The following ZNF461 variants were observed in gnomAD, a reference collection of about 807,000 sequenced individuals.
ZNF461 encodes the protein zinc finger protein 461, also known as gonadotropin-inducible ovarian transcription factor-1.
ZNF461 carries 16 observed loss-of-function variants against 18.3 expected under a neutral mutation model. The ratio of observed to expected loss-of-function variants is 0.88; its 90% CI spans 0.59 to 1.33. ZNF461 has a LOEUF of 1.33. ZNF461 is among the 40% of genes most tolerant of loss of function. The pLI is 0.00. For synonymous variants in ZNF461, 179 were observed against 216.9 expected (o/e 0.83, Z 1.54); for missense variants, 595 against 669.9 (o/e 0.89, Z 1.23).
intron 2 of ZNF461, among the ~76,000 whole-genome samples, chr19:36,661,148 C>T (rs974569227): frequency 1.3e-5 from 2 of 151,902 alleles, no homozygotes; most frequent in African/African-American, 4.8e-5. Context: ...GGTGGTGGCA[C>T]ACAACTGTAG....
In ZNF461 at chr19:36,638,611, C is replaced by T; in HGVS notation, c.*42G>A. The T allele has an allele frequency of 6.9e-7, 1 of 1,440,344 alleles. No homozygotes were observed. Among genetic ancestry groups the T allele is most frequent in the Non-Finnish European group, 9.2e-7 (1 of 1,083,490 alleles). 89.2% of individuals were successfully genotyped at this position (1,440,344 alleles called of 1,614,324 possible). ...AAACTGGTGGCTTACCAACTTTTTC[C>T]TTAAATAAAACAAAGACAATGTATA... On this transcript the variant is annotated 3_prime_UTR_variant, in exon 6 of 6. Transcript: ENST00000588268.
At chr19:36,661,684 A>G (rs914923928) in intron 2 of ZNF461, among the ~76,000 whole-genome samples, 6 of 145,536 alleles carry the variant, frequency 4.1e-5, no homozygotes, top group African/African-American at 1.7e-4. Flanking sequence ...AATCTGAGAG[A>G]ATGTGTCACC....
chr19:36,642,104 C>A (rs1313567083), intron 5 of ZNF461, among the ~76,000 whole-genome samples: 1 of 152,060 alleles, frequency 6.6e-6, no homozygotes, highest in Non-Finnish European at 1.5e-5. Flanking sequence ...ATTTTTAAAT[C>A]ATTTTTTGTA....
Position 36,664,682 on chromosome 19 carries a change from G to T in ZNF461, c.9+16C>A, listed in dbSNP as rs2037874591. 1 of 1,514,264 alleles carries T rather than the reference G, an allele frequency of 6.6e-7. No individual in the cohort carries two copies. Among genetic ancestry groups the T allele is most frequent in the Non-Finnish European group, 8.8e-7 (1 of 1,138,192 alleles). The allele number at this position is 1,514,264 out of a possible 1,614,324, so 93.8% of individuals were successfully genotyped here. ...AATCAAGTATTGTAATTAGGAGCAA[G>T]AAAAAACCAACTTACATGGGCCATG... On this transcript the variant is annotated intron_variant, in intron 2 of 5. Transcript: ENST00000588268.
chr19:36,659,498 C>T (rs1489760742), intron 2 of ZNF461, among the ~76,000 whole-genome samples: 1 of 152,132 alleles, frequency 6.6e-6, no homozygotes, highest in Non-Finnish European at 1.5e-5. Flanking sequence ...GTCTTGAGCT[C>T]CTGGGCTCAA....
At chr19:36,656,799 A>AC (rs1371541739) in intron 3 of ZNF461, among the ~76,000 whole-genome samples, 2 of 152,048 alleles carry the variant, frequency 1.3e-5, no homozygotes, top group Non-Finnish European at 2.9e-5. Flanking sequence ...AGGAAAAAAA[A>AC]GAAGCTTCTT....
In ZNF461 at chr19:36,639,058, GGTTA is replaced by G. The variant is rs2037358377; in HGVS notation, c.1283_1286del (p.Leu428ProfsTer44). 1 of 1,611,284 alleles carries G rather than the reference GGTTA, an allele frequency of 6.2e-7. No homozygotes were observed. Among genetic ancestry groups the G allele is most frequent in the Non-Finnish European group, 8.5e-7 (1 of 1,179,428 alleles). On this transcript the variant is annotated frameshift_variant, in exon 6 of 6. Transcript: ENST00000588268. LOFTEE classifies it low-confidence loss of function (END_TRUNC). ...CACCAGTATGAATCCTCTGATGTAG[GGTTA>G]GTTGTAAGCCATCACAAAAAGCCTT... is the stretch of plus-strand genomic sequence containing the variant.
intron 5 of ZNF461, chr19:36,643,378 A>G (rs2145371000): frequency 6.6e-6 from 1 of 152,628 alleles, no homozygotes; most frequent in East Asian, 1.9e-4. Flanking sequence ...TTTTTTCTCC[A>G]GCATCTTCTG....
intron 4 of ZNF461, among the ~76,000 whole-genome samples, chr19:36,648,857 A>G (rs1051023293): frequency 6.6e-6 from 1 of 152,216 alleles, no homozygotes; most frequent in Non-Finnish European, 1.5e-5. Flanking sequence ...CTGGGATTAC[A>G]GTCATGAGCC....
At chr19:36,658,875 C>T (rs2037770649) in intron 2 of ZNF461, among the ~76,000 whole-genome samples, 1 of 152,100 alleles carries the variant, frequency 6.6e-6, no homozygotes, top group South Asian at 2.1e-4. Flanking sequence ...CTATATTTTC[C>T]ATAGATGGAC....
At chr19:36,642,244 T>C (rs1031458393) in intron 5 of ZNF461, among the ~76,000 whole-genome samples, 1 of 152,176 alleles carries the variant, frequency 6.6e-6, no homozygotes, top group African/African-American at 2.4e-5. Flanking sequence ...TTTATCATTA[T>C]TGTCTTTCAG....
chr19:36,639,999 C>A lies in ZNF461; in HGVS notation c.346G>T (p.Asp116Tyr). The A allele has an allele frequency of 6.2e-7, 1 of 1,613,108 alleles. No homozygotes were observed. The highest frequency in any genetic ancestry group is 2.2e-5 in the East Asian group (1 of 44,856). Residue 116 changes from aspartate to tyrosine, a missense_variant, in exon 6 of 6, where the codon GAT (aspartate) becomes TAT (tyrosine). Transcript: ENST00000588268. Reference sequence around the variant, plus strand: ...TGGGATAATTCTGTTTCATAAATATCCCTTTTTGGAGATAACTTCTGGGGC... The same window carrying A: ...TGGGATAATTCTGTTTCATAAATATACCTTTTTGGAGATAACTTCTGGGGC... The part of the protein sequence containing the change: ...DEPQKLSPKR[D>Y]IYETELSQWV...
chr19:36,656,448 C>G lies in ZNF461; in HGVS notation c.232G>C (p.Gly78Arg). The stretch of plus-strand genomic sequence containing the variant: ...GAGCTTCCTGTGCTTGCTCACTCAC[C>G]TGGGCACCATCTTCCTGTCTCTTCC... ...VREETGRWCPGTWKTWGFHNN... is the reference protein window; with the variant it reads ...VREETGRWCPRTWKTWGFHNN... The change falls in exon 4 of 6, where the codon GGT (glycine) becomes CGT (arginine). Residue 78 changes from glycine (G) to arginine (R), a missense_variant and splice_region_variant. Physicochemically the swap from Gly to Arg is moderately radical, Grantham distance 125. Transcript: ENST00000588268. 1 of 1,613,774 alleles carries G rather than the reference C, an allele frequency of 6.2e-7. No homozygotes were observed. The highest frequency in any genetic ancestry group is 8.5e-7 in the Non-Finnish European group (1 of 1,179,632).
rs1264699573 is a variant in ZNF461, at chr19:36,639,696, C to A, written c.649G>T (p.Glu217Ter). 1.9e-6 allele frequency: 3 copies of A among 1,613,690 alleles called. No individual in the cohort carries two copies. The highest frequency in any genetic ancestry group is 2.5e-6 in the Non-Finnish European group (3 of 1,179,754). ...FSHHKRTHSK[E>*]LSECKECTEI... ...GTGCATTCTTTACATTCAGAAAGTT[C>A]TTTAGAATGAGTTCTTTTGTGGTGA... Residue 217 changes from glutamate (E) to a stop codon, truncating the protein, a stop_gained, in exon 6 of 6, where the codon GAA becomes TAA. Transcript: ENST00000588268. LOFTEE classifies it low-confidence loss of function (END_TRUNC).
Position 36,640,000 on chromosome 19 carries a change from C to G in ZNF461, c.345G>C (p.Arg115Ser), listed in dbSNP as rs1284295978. ...GGGATAATTCTGTTTCATAAATATC[C>G]CTTTTTGGAGATAACTTCTGGGGCT... ...RDEPQKLSPK[R>S]DIYETELSQW... Residue 115 changes from arginine to serine, a missense_variant, in exon 6 of 6, where the codon AGG becomes AGC. Coordinates refer to ENST00000588268, the MANE Select transcript of ZNF461 (RefSeq NM_153257.5). The G allele has an allele frequency of 2.5e-6, 4 of 1,612,974 alleles. No homozygotes were observed. The highest frequency in any genetic ancestry group is 2.2e-5 in the East Asian group (1 of 44,858).
At chr19:36,654,716 C>A (rs989809188) in intron 4 of ZNF461, among the ~76,000 whole-genome samples, 1 of 152,096 alleles carries the variant, frequency 6.6e-6, no homozygotes, top group Non-Finnish European at 1.5e-5. Flanking sequence ...GAACTCTAGC[C>A]TGTAGAATGG....
At chr19:36,654,729 C>A (rs2037686827) in intron 4 of ZNF461, among the ~76,000 whole-genome samples, 1 of 152,100 alleles carries the variant, frequency 6.6e-6, no homozygotes, top group Non-Finnish European at 1.5e-5. Context: ...TAGAATGGAT[C>A]TGCCCTTGGT....
At chr19:36,660,717 A>G (rs569904231) in intron 2 of ZNF461, among the ~76,000 whole-genome samples, 3 of 152,094 alleles carry the variant, frequency 2.0e-5, no homozygotes, top group East Asian at 1.9e-4. Flanking sequence ...AAAAAAGACA[A>G]ACAAAAGCTG....
intron 4 of ZNF461, among the ~76,000 whole-genome samples, chr19:36,654,711 C>T (rs527999873): frequency 6.6e-6 from 1 of 152,054 alleles, no homozygotes; most frequent in Non-Finnish European, 1.5e-5. Context: ...TCAAAGAACT[C>T]TAGCCTGTAG....
Sources: gnomAD v4.1 joint callset for allele counts (sites outside exome capture counted in the v4.1 genomes callset) on GRCh38, gnomAD v4.1.1 for gene constraint, MANE v1.5 for transcripts, NCBI Gene and HGNC (gene_info 2026-07-23, HGNC 2026-07-21) for gene names.